Variants in TRAPPC9 observed in about 807,000 individuals in gnomAD.
TRAPPC9 encodes trafficking protein particle complex subunit 9.
In TRAPPC9, 83 loss-of-function variants were observed where a neutral mutation model predicts 124.0. The ratio of observed to expected loss-of-function variants is 0.67; its 90% CI spans 0.56 to 0.80. The LOEUF is 0.80. Ranked by LOEUF, TRAPPC9 falls within the 30% of genes least tolerant of loss-of-function variation. The pLI is 0.00. For synonymous variants in TRAPPC9, 638 were observed against 617.5 expected (o/e 1.03, Z -0.49); for missense variants, 1,302 against 1,508.3 (o/e 0.86, Z 2.27).
intron 21 of TRAPPC9, among the ~76,000 whole-genome samples, chr8:139,791,381 C>T (rs1822660742): frequency 6.6e-6 from 1 of 150,450 alleles, no homozygotes; most frequent in Admixed American, 6.6e-5. Context: ...CACACTCACA[C>T]AGGTACCCGT....
intron 17 of TRAPPC9, among the ~76,000 whole-genome samples, chr8:140,115,270 GTTT>G (rs35832271): frequency 7.0e-6 from 1 of 142,526 alleles, no homozygotes; most frequent in African/African-American, 2.5e-5. Context: ...TGTTATAATG[GTTT>G]TTTTTTTTTT....
intron 17 of TRAPPC9, among the ~76,000 whole-genome samples, chr8:140,157,848 C>T (rs1453035489): frequency 6.6e-6 from 1 of 152,164 alleles, no homozygotes; most frequent in Non-Finnish European, 1.5e-5. Context: ...TTCTTCTAGA[C>T]ATTTTTCTGT....
intron 9 of TRAPPC9, among the ~76,000 whole-genome samples, chr8:140,344,751 A>G (rs1241766005): frequency 6.6e-6 from 1 of 152,268 alleles, no homozygotes; most frequent in Admixed American, 6.5e-5. Flanking sequence ...AGAAGACTGG[A>G]GAGAGGTGAG....
chr8:140,060,560 G>A (rs530975767), intron 17 of TRAPPC9, among the ~76,000 whole-genome samples: 60 of 151,082 alleles, frequency 4.0e-4, no homozygotes, highest in African/African-American at 1.3e-3. Flanking sequence ...ATCCTTATCC[G>A]TCCCAACCCA....
chr8:139,973,876 C>T (rs182554897), intron 19 of TRAPPC9, among the ~76,000 whole-genome samples: 2 of 152,248 alleles, frequency 1.3e-5, no homozygotes, highest in African/African-American at 4.8e-5. Context: ...CAAGCTACTG[C>T]CATCCCTCTC....
intron 21 of TRAPPC9, among the ~76,000 whole-genome samples, chr8:139,796,157 AGAGGAG>A (rs576585599): frequency 2.7e-4 from 41 of 149,692 alleles, no homozygotes; most frequent in African/African-American, 6.1e-4. Context: ...AGGAGGAGGA[AGAGGAG>A]GAGGAGGAGG....
chr8:140,297,675 C>A (rs1367899988), intron 11 of TRAPPC9, among the ~76,000 whole-genome samples: 2 of 152,242 alleles, frequency 1.3e-5, no homozygotes, highest in Non-Finnish European at 2.9e-5. Flanking sequence ...TCCCCAGGGT[C>A]TGCGGGGCCC....
intron 17 of TRAPPC9, among the ~76,000 whole-genome samples, chr8:140,150,452 A>G (rs1460969839): frequency 6.6e-6 from 1 of 152,232 alleles, no homozygotes; most frequent in Non-Finnish European, 1.5e-5. Flanking sequence ...ACTGTCTCAA[A>G]AAAACAAAAT....
chr8:139,815,170 A>G (rs1824741337), intron 21 of TRAPPC9, among the ~76,000 whole-genome samples: 1 of 152,150 alleles, frequency 6.6e-6, no homozygotes, highest in South Asian at 2.1e-4. Flanking sequence ...AAGGGACTGC[A>G]AAAGGAAGAG....
intron 17 of TRAPPC9, among the ~76,000 whole-genome samples, chr8:140,102,522 C>T (rs780054927): frequency 6.6e-6 from 1 of 152,172 alleles, no homozygotes; most frequent in Non-Finnish European, 1.5e-5. Context: ...CAGACATAGA[C>T]ATGGGGGAGA....
rs1837090670 is a variant in TRAPPC9 at position 139,984,165 on chromosome 8, C to T, written c.2810+4561G>A. On this transcript the variant is annotated intron_variant, in intron 19 of 22. Transcript: ENST00000438773. The surrounding 1 kb of genome is among the most constrained non-coding windows in gnomAD (Gnocchi z 4.3). ...GGTTGGTCTCTCAGATTGCAGGCCA[C>T]CTTTGAATGCCAGTTCTGCAAACGG... Among the ~76,000 whole-genome samples the T allele has an allele frequency of 6.6e-6, 1 of 152,138 alleles. No individual in the cohort carries two copies. The highest frequency in any genetic ancestry group is 6.5e-5 in the Admixed American group (1 of 15,276).
intron 13 of TRAPPC9, among the ~76,000 whole-genome samples, chr8:140,285,280 C>T (rs2065451327): frequency 6.6e-6 from 1 of 152,220 alleles, no homozygotes; most frequent in Non-Finnish European, 1.5e-5. Flanking sequence ...AAGCCCTTCA[C>T]TCCTCGTTAC....
chr8:139,910,187 C>T lies in TRAPPC9; in HGVS notation c.2924G>A (p.Gly975Asp). Reference protein sequence around the residue: ...QLEEERREARGLEIHSKLGIC... With the variant: ...QLEEERREARDLEIHSKLGIC... ...GCCCAGCTTGCTGTGGATCTCCAGG[C>T]CTCGGGCTTCCCGCCGCTCTTCCTC... The change falls in exon 20 of 23, where the codon GGC becomes GAC. Residue 975 changes from glycine (G) to aspartate (D), a missense_variant. Physicochemically the swap from Gly to Asp is moderately conservative, Grantham distance 94. Around this residue, in one of 3 missense-constraint regions of TRAPPC9, gnomAD observed 640 missense variants for 679.3 expected, o/e 0.94. Coordinates refer to ENST00000438773, the MANE Select transcript of TRAPPC9 (RefSeq NM_001160372.4). 6.2e-7 allele frequency: 1 copy of T among 1,613,580 alleles called. No homozygotes were observed. The highest frequency in any genetic ancestry group is 1.7e-5 in the Admixed American group (1 of 59,946).
intron 18 of TRAPPC9, among the ~76,000 whole-genome samples, chr8:140,012,940 G>A (rs891107242): frequency 5.3e-5 from 8 of 152,160 alleles, no homozygotes; most frequent in African/African-American, 1.2e-4. Context: ...AGGGAGAGCA[G>A]GGTGTGTAGC....
At chr8:139,853,536 C>A (rs1030688593) in intron 21 of TRAPPC9, among the ~76,000 whole-genome samples, 1 of 152,102 alleles carries the variant, frequency 6.6e-6, no homozygotes, top group Non-Finnish European at 1.5e-5. Flanking sequence ...GCTTGCTGAC[C>A]GAATGAACAA....
intron 9 of TRAPPC9, among the ~76,000 whole-genome samples, chr8:140,344,209 C>T (rs2067272374): frequency 6.6e-6 from 1 of 152,152 alleles, no homozygotes; most frequent in African/African-American, 2.4e-5. Context: ...AAGTGGCCCT[C>T]ACAGGACACA....
Position 139,990,221 on chromosome 8 carries a change from A to C in TRAPPC9, c.2700-1385T>G, listed in dbSNP as rs116761491. ...CAATCGCCTGTGACTTCATGACAAC[A>C]GCCTCGGGGGTAGTCCGTGGAGCCC... On this transcript the variant is annotated intron_variant, in intron 18 of 22. Transcript: ENST00000438773. 2.3e-3 allele frequency among the ~76,000 whole-genome samples: 344 copies of C among 152,238 alleles called. 2 individuals are homozygous for C. The highest frequency in any genetic ancestry group is 8.1e-3 in the African/African-American group (337 of 41,560).
intron 21 of TRAPPC9, among the ~76,000 whole-genome samples, chr8:139,855,396 C>T (rs893717419): frequency 2.0e-5 from 3 of 152,206 alleles, no homozygotes; most frequent in Non-Finnish European, 4.4e-5. Context: ...GGGTACCTTG[C>T]CATGTCACTT....
chr8:139,912,064 G>A (rs1831773023), intron 19 of TRAPPC9, among the ~76,000 whole-genome samples: 1 of 152,050 alleles, frequency 6.6e-6, no homozygotes, highest in Non-Finnish European at 1.5e-5. Flanking sequence ...ATTATTTTCT[G>A]GTTCTCTAAG....
Sources: allele counts gnomAD v4.1 joint callset (sites outside exome capture counted in the v4.1 genomes callset), GRCh38; gene constraint gnomAD v4.1.1; regional missense constraint gnomAD v4.1.1; non-coding constraint Gnocchi (gnomAD v3.1); transcripts MANE v1.5; gene names NCBI Gene and HGNC (gene_info 2026-07-23, HGNC 2026-07-21).